The following ENOSF1 variants were observed in gnomAD, a reference collection of about 807,000 sequenced individuals.
The protein encoded by ENOSF1 is enolase superfamily member 1, also known as mitochondrial enolase superfamily member 1.
A neutral mutation model predicts 68.2 loss-of-function variants in ENOSF1; 73 were observed. The ratio of observed to expected loss-of-function variants is 1.07; its 90% CI spans 0.89 to 1.30. The LOEUF is 1.30. Among genes scored for constraint, ENOSF1 ranks in the 50% most tolerant of loss-of-function variants. The pLI is 0.00. For missense variants in ENOSF1, 589 were observed against 554.5 expected, an observed-to-expected ratio of 1.06 and a Z score of -0.62; for synonymous variants, 223 against 210.4, an observed-to-expected ratio of 1.06 and a Z score of -0.52.
chr18:678,430 C>T (rs2075735668), intron 12 of ENOSF1: 5 of 497,484 alleles, frequency 1.0e-5, no homozygotes, highest in Non-Finnish European at 1.8e-5. Context: ...GCAATAGCAA[C>T]TTTAAATTGC....
chr18:692,087 A>G (rs1020224811), intron 5 of ENOSF1: 2 of 152,192 alleles, frequency 1.3e-5, no homozygotes, highest in Admixed American at 1.3e-4. Context: ...TGTTTGCTTC[A>G]CTGACAGAAA....
At chr18:690,730 T>TTTCCCCTGGAGAGTCCAGCTGG in intron 7 of ENOSF1, 99 bp from the exon 8 acceptor site, 2 of 1,550,614 alleles carry the variant, frequency 1.3e-6, no homozygotes, top group Admixed American at 1.9e-5. Flanking sequence ...AGTCCAGCTG[T>TTTCCCCTGGAGAGTCCAGCTGG]TCTCCTGATC....
chr18:712,219 C>T, intron 1 of ENOSF1: 2 of 1,481,222 alleles, frequency 1.4e-6, no homozygotes, highest in Non-Finnish European at 1.8e-6. Flanking sequence ...ACAATTGCTC[C>T]AAGGCATGAA....
At position 671,078 on chromosome 18, in the gene ENOSF1, GTTGT is replaced by G. The variant is rs1178376543; in HGVS notation, c.*3223_*3226del. 4 of 639,426 alleles carry G rather than the reference GTTGT, an allele frequency of 6.3e-6. No homozygotes were observed. The highest frequency in any genetic ancestry group is 2.8e-5 in the East Asian group (1 of 36,212). The allele number at this position is 639,426 out of a possible 1,614,324, so 39.6% of individuals were successfully genotyped here. ...TATACGCACTAACAGATCTATACAG[GTTGT>G]TTGTGATACAGCTTCTATGGATTTT... is the stretch of plus-strand genomic sequence containing the variant. On this transcript the variant is annotated 3_prime_UTR_variant, in exon 16 of 16. Transcript: ENST00000647584.
chr18:708,156 C>T (rs538960815), intron 1 of ENOSF1, among the ~76,000 whole-genome samples: 8 of 152,098 alleles, frequency 5.3e-5, no homozygotes, highest in Admixed American at 1.3e-4. Context: ...CCACCACGCC[C>T]GGCCACAAGT....
At chr18:694,065 CT>C (rs2077476196) in intron 4 of ENOSF1, among the ~76,000 whole-genome samples, 157 bp from the exon 5 acceptor site, 1 of 152,212 alleles carries the variant, frequency 6.6e-6, no homozygotes, top group African/African-American at 2.4e-5. Flanking sequence ...CCTGTCTCCT[CT>C]TTCTCCTCCT....
chr18:678,566 A>C (rs1401970377), intron 12 of ENOSF1, 130 bp downstream of exon 12: 1 of 893,006 alleles, frequency 1.1e-6, no homozygotes, highest in Non-Finnish European at 1.8e-6. Flanking sequence ...CCAGTTTCTA[A>C]GATGATGAAA....
chr18:691,506 C>T (rs2077170460), intron 5 of ENOSF1: 1 of 482,580 alleles, frequency 2.1e-6, no homozygotes, highest in Non-Finnish European at 3.7e-6. Flanking sequence ...CCACTATGCC[C>T]GGCTAATTTA....
At chr18:666,921 AGATGGTGATGGTGATGGAGATGGT>A (rs1567989438), downstream of ENOSF1, among the ~76,000 whole-genome samples, 11 of 33,482 alleles carry the variant, frequency 3.3e-4, no homozygotes, top group Admixed American at 1.7e-3. Context: ...ATGGTGATGG[AGATGGTGATGGTGATGGAGATGGT>A]GATGGTGATG....
chr18:702,265 A>C (rs1282801279), intron 2 of ENOSF1, among the ~76,000 whole-genome samples: 1 of 1,752 alleles, frequency 5.7e-4, no homozygotes, highest in African/African-American at 1.7e-3. Flanking sequence ...ACTACATCTC[A>C]AAAAAAAAAA....
At position 690,427 on chromosome 18, in the gene ENOSF1, G is replaced by A. The variant is rs139223625; in HGVS notation, c.618+122C>T. On this transcript the variant is annotated intron_variant, in intron 8 of 15. Transcript: ENST00000647584. ...AGTGGAGAACTGGTTGGCGTGAGAA[G>A]GAAAACCACACACATCTGGTGTCAG... is the stretch of plus-strand genomic sequence containing the variant. 2.6e-3 allele frequency: 2,896 copies of A among 1,126,784 alleles called. 8 individuals are homozygous for A. The highest frequency in any genetic ancestry group is 3.4e-3 in the Non-Finnish European group (2,583 of 759,148). 69.8% of individuals were successfully genotyped at this position (1,126,784 alleles called of 1,614,324 possible).
At chr18:666,985 GGT>G (rs1288512911), downstream of ENOSF1, among the ~76,000 whole-genome samples, 2 of 7,274 alleles carry the variant, frequency 2.7e-4, 1 homozygote, top group Non-Finnish European at 7.4e-4. Context: ...AGATGGAGAT[GGT>G]GATGGTGATG....
At position 670,595 on chromosome 18, in the gene ENOSF1, T is replaced by G; in HGVS notation, c.*3710A>C. 25 of 1,349,426 alleles carry G rather than the reference T, an allele frequency of 1.9e-5. No homozygotes were observed. The highest frequency in any genetic ancestry group is 6.9e-5 in the East Asian group (3 of 43,326). The allele number at this position is 1,349,426 out of a possible 1,614,324, so 83.6% of individuals were successfully genotyped here. The stretch of plus-strand genomic sequence containing the variant: ...TGGCTCTCTCTCCTGGTCTCCACCA[T>G]ATGAGTTGGCTTCTGTTTCTCTCCT... On this transcript the variant is annotated 3_prime_UTR_variant, in exon 16 of 16. Coordinates refer to ENST00000647584, the MANE Select transcript of ENOSF1 (RefSeq NM_017512.7).
At chr18:701,927 A>C (rs944758242) in intron 2 of ENOSF1, among the ~76,000 whole-genome samples, 1 of 142,130 alleles carries the variant, frequency 7.0e-6, no homozygotes, top group Non-Finnish European at 1.5e-5. Context: ...CTCAAAAATA[A>C]ATAAATACAT....
chr18:693,000 C>A, intron 5 of ENOSF1: 2 of 1,181,972 alleles, frequency 1.7e-6, no homozygotes, highest in East Asian at 6.1e-5. Flanking sequence ...TTTTTAACCG[C>A]CACCCAGGTG....
chr18:685,325 C>A (rs1246540259), intron 10 of ENOSF1, among the ~76,000 whole-genome samples: 1 of 151,476 alleles, frequency 6.6e-6, no homozygotes, highest in African/African-American at 2.4e-5. Flanking sequence ...CAATTTTTAT[C>A]ATAAGTTATT....
rs771413601 is a variant in ENOSF1, at chr18:685,962, A to G, written c.700T>C (p.Cys234Arg). The G allele has an allele frequency of 7.4e-6, 12 of 1,614,156 alleles. No individual in the cohort carries two copies. Among genetic ancestry groups the G allele is most frequent in the Admixed American group, 5.0e-5 (3 of 60,024 alleles). ...GADLQDDMRRCQIIRDMIGPE... is the reference protein window; with the variant it reads ...GADLQDDMRRRQIIRDMIGPE... ...CCAATCATGTCTCGGATGATTTGGC[A>G]TCTTCGCATGTCATCCTGGAGATCA... The change falls in exon 10 of 16, where the codon TGC becomes CGC. Residue 234 changes from cysteine to arginine, a missense_variant. Transcript: ENST00000647584.
At chr18:711,768 G>T (rs555363807) in intron 1 of ENOSF1, among the ~76,000 whole-genome samples, 4 of 152,132 alleles carry the variant, frequency 2.6e-5, no homozygotes, top group African/African-American at 9.7e-5. Context: ...ACTGACATTT[G>T]CATCAGTCCT....
chr18:664,942 G>A, the ENOSF1 span, among the ~76,000 whole-genome samples: 1 of 144,462 alleles, frequency 6.9e-6, no homozygotes, highest in African/African-American at 2.7e-5. Context: ...GAGGAATTTT[G>A]CATCAATGTT....
Sources: gnomAD v4.1 joint callset for allele counts (sites outside exome capture counted in the v4.1 genomes callset) on GRCh38, gnomAD v4.1.1 for gene constraint, MANE v1.5 for transcripts, NCBI Gene and HGNC (gene_info 2026-07-23, HGNC 2026-07-21) for gene names.